The following KCNIP4 variants were observed in gnomAD, a reference collection of about 807,000 sequenced individuals.
The protein encoded by KCNIP4 is Kv channel-interacting protein 4.
Under a neutral mutation model 34.0 loss-of-function variants are expected in KCNIP4, and 12 were observed. That is an observed-to-expected ratio of 0.35 (90% confidence interval 0.23 to 0.57). The LOEUF (loss-of-function observed/expected upper bound fraction) is 0.57. KCNIP4 is among the 20% of genes least tolerant of loss of function. KCNIP4 has a pLI of 0.83. For missense variants in KCNIP4, 238 were observed against 311.7 expected (o/e 0.76, Z 1.78); for synonymous variants, 124 against 102.2 (o/e 1.21, Z -1.29).
At chr4:20,933,760 G>T (rs185002668) in intron 1 of KCNIP4, among the ~76,000 whole-genome samples, 73 of 148,718 alleles carry the variant, frequency 4.9e-4, no homozygotes, top group African/African-American at 1.6e-3. Context: ...AAAAAAGAAA[G>T]AAATTTAGCC....
At chr4:21,157,296 A>G (rs890587559) in intron 1 of KCNIP4, among the ~76,000 whole-genome samples, 1 of 152,178 alleles carries the variant, frequency 6.6e-6, no homozygotes. Context: ...CAAAGATACA[A>G]TAAACAAAAC....
intron 1 of KCNIP4, among the ~76,000 whole-genome samples, chr4:21,201,369 G>A (rs1387283962): frequency 6.6e-6 from 1 of 152,164 alleles, no homozygotes; most frequent in African/African-American, 2.4e-5. Flanking sequence ...AGAAAGAAAG[G>A]ACTGAAAATA....
intron 1 of KCNIP4, among the ~76,000 whole-genome samples, chr4:21,805,048 ACT>A (rs1008832120): frequency 2.6e-5 from 4 of 152,180 alleles, no homozygotes; most frequent in Non-Finnish European, 5.9e-5. Context: ...GTGAGAGTTC[ACT>A]CTCATTGCAG....
intron 1 of KCNIP4, among the ~76,000 whole-genome samples, chr4:21,014,791 G>C (rs962703087): frequency 1.3e-5 from 2 of 152,152 alleles, no homozygotes; most frequent in African/African-American, 4.8e-5. Flanking sequence ...TAAAAGCAAG[G>C]ATTCAGATAT....
intron 3 of KCNIP4, among the ~76,000 whole-genome samples, chr4:20,846,868 C>T (rs1046308453): frequency 2.6e-5 from 4 of 152,190 alleles, no homozygotes; most frequent in Non-Finnish European, 5.9e-5. Flanking sequence ...TTTATAAATC[C>T]TAATGCTGAA....
intron 1 of KCNIP4, among the ~76,000 whole-genome samples, chr4:20,964,828 C>A (rs527421965): frequency 2.6e-5 from 4 of 152,104 alleles, no homozygotes; most frequent in Admixed American, 6.5e-5. Context: ...GATCCAAGTG[C>A]AATTTCAAGG....
At chr4:21,117,311 G>A (rs920284393) in intron 1 of KCNIP4, among the ~76,000 whole-genome samples, 1 of 135,554 alleles carries the variant, frequency 7.4e-6, no homozygotes, top group Non-Finnish European at 1.6e-5. Flanking sequence ...GGGGGGGGGG[G>A]GGGGGGGGCG....
chr4:21,676,687 T>C (rs987860876), intron 1 of KCNIP4, among the ~76,000 whole-genome samples: 2 of 152,230 alleles, frequency 1.3e-5, no homozygotes, highest in African/African-American at 4.8e-5. Context: ...TTTTAGTCTA[T>C]CCTGTTATTC....
intron 1 of KCNIP4, among the ~76,000 whole-genome samples, chr4:21,511,779 A>T (rs1414876243): frequency 6.6e-6 from 1 of 152,156 alleles, no homozygotes; most frequent in Admixed American, 6.5e-5. Context: ...GAGTCCCGTG[A>T]TAACTTGTGC....
At chr4:20,887,669 A>G (rs1364481709) in intron 1 of KCNIP4, among the ~76,000 whole-genome samples, 1 of 152,092 alleles carries the variant, frequency 6.6e-6, no homozygotes, top group Admixed American at 6.6e-5. Context: ...AAGTTGAAAT[A>G]AAGATACTTT....
chr4:21,517,150 G>A (rs1316579070), intron 1 of KCNIP4, among the ~76,000 whole-genome samples: 3 of 152,214 alleles, frequency 2.0e-5, no homozygotes, highest in Admixed American at 2.0e-4. Flanking sequence ...AGATAAAGGG[G>A]TTGTACATCC....
At chr4:20,848,623 T>C (rs77169999) in intron 3 of KCNIP4, among the ~76,000 whole-genome samples, 1,571 of 152,242 alleles carry the variant, frequency 0.01, 23 homozygotes, top group African/African-American at 0.036. Context: ...GCAGTAATCA[T>C]GATTCCAATT....
intron 1 of KCNIP4, among the ~76,000 whole-genome samples, chr4:21,727,371 TAGAAAC>T: frequency 6.6e-6 from 1 of 152,210 alleles, no homozygotes; most frequent in South Asian, 2.1e-4. Flanking sequence ...AGTACTATCT[TAGAAAC>T]AGACAGCAGC....
chr4:21,097,195 A>T (rs915718044), intron 1 of KCNIP4, among the ~76,000 whole-genome samples: 1 of 152,138 alleles, frequency 6.6e-6, no homozygotes, highest in African/African-American at 2.4e-5. Flanking sequence ...AAACAGGCCA[A>T]ATGTCCATCA....
chr4:21,595,831 C>G (rs73254310), intron 1 of KCNIP4, among the ~76,000 whole-genome samples: 10,016 of 152,094 alleles, frequency 0.066, 476 homozygotes, highest in African/African-American at 0.13. Flanking sequence ...TATTTATTGA[C>G]AATCTACCGT....
chr4:21,909,879 T>C (rs1728204601), intron 1 of KCNIP4, among the ~76,000 whole-genome samples: 1 of 152,182 alleles, frequency 6.6e-6, no homozygotes, highest in Non-Finnish European at 1.5e-5. Context: ...ATGAGACTTA[T>C]TCACTACCAC....
At chr4:21,625,939 C>T (rs1415814550) in intron 1 of KCNIP4, among the ~76,000 whole-genome samples, 1 of 152,018 alleles carries the variant, frequency 6.6e-6, no homozygotes, top group African/African-American at 2.4e-5. Flanking sequence ...ACAGCAAAAG[C>T]CTTTGACCCA....
At chr4:20,755,639 C>T (rs1156880564) in intron 4 of KCNIP4, among the ~76,000 whole-genome samples, 1 of 151,718 alleles carries the variant, frequency 6.6e-6, no homozygotes, top group Non-Finnish European at 1.5e-5. Flanking sequence ...TCTCGAGTGC[C>T]GAAAAGAGAC....
intron 1 of KCNIP4, among the ~76,000 whole-genome samples, chr4:20,923,280 C>T (rs796855484): frequency 4.6e-5 from 7 of 152,296 alleles, no homozygotes; most frequent in African/African-American, 1.7e-4. Flanking sequence ...CATAAGCAGG[C>T]TAGCTACATG....
Sources: gnomAD v4.1 joint callset for allele counts (sites outside exome capture counted in the v4.1 genomes callset) on GRCh38, gnomAD v4.1.1 for gene constraint, MANE v1.5 for transcripts, NCBI Gene and HGNC (gene_info 2026-07-23, HGNC 2026-07-21) for gene names.